The following ITGA11 variants were observed in gnomAD, a reference collection of about 807,000 sequenced individuals.
ITGA11 encodes integrin subunit alpha 11.
Under a neutral mutation model 141.9 loss-of-function variants are expected in ITGA11, and 97 were observed. That is an observed-to-expected ratio of 0.68 (90% CI 0.58 to 0.81). The LOEUF is 0.81. ITGA11 is among the 30% of genes least tolerant of loss of function. The pLI, the probability that ITGA11 is intolerant of heterozygous loss-of-function variation, is 0.00. For missense variants in ITGA11, 1,387 were observed against 1,559.2 expected, an observed-to-expected ratio of 0.89 and a Z score of 1.86; for synonymous variants, 658 against 624.6, an observed-to-expected ratio of 1.05 and a Z score of -0.80.
intron 20 of ITGA11, among the ~76,000 whole-genome samples, chr15:68,318,255 T>C (rs555731530): frequency 3.9e-4 from 59 of 152,274 alleles, no homozygotes; most frequent in African/African-American, 1.3e-3. Context: ...CTCCCACTTC[T>C]CTTTACCTCC....
intron 1 of ITGA11, among the ~76,000 whole-genome samples, chr15:68,420,116 T>C (rs577186608): frequency 6.6e-6 from 1 of 152,306 alleles, no homozygotes; most frequent in East Asian, 1.9e-4. Flanking sequence ...CACCATCTTT[T>C]CTGGGCACTC....
At chr15:68,329,767 CCAA>C (rs1469388106) in intron 15 of ITGA11, among the ~76,000 whole-genome samples, 1 of 152,228 alleles carries the variant, frequency 6.6e-6, no homozygotes, top group Non-Finnish European at 1.5e-5. Context: ...ACCACCACCA[CCAA>C]CAAGGACCTA....
intron 24 of ITGA11, among the ~76,000 whole-genome samples, chr15:68,311,670 G>C (rs1893391823): frequency 6.6e-6 from 1 of 152,204 alleles, no homozygotes; most frequent in East Asian, 1.9e-4. Flanking sequence ...CCTGAGGCCG[G>C]AGAGCAGGGG....
intron 11 of ITGA11, 24 bp downstream of exon 11, chr15:68,339,476 C>A (rs1163794387): frequency 6.2e-7 from 1 of 1,603,188 alleles, no homozygotes; most frequent in Admixed American, 1.7e-5. Flanking sequence ...GACCCGCCAG[C>A]CTCCCCTCAC....
intron 12 of ITGA11, among the ~76,000 whole-genome samples, chr15:68,334,058 C>G (rs1288425663): frequency 1.3e-5 from 2 of 152,240 alleles, no homozygotes; most frequent in Non-Finnish European, 2.9e-5. Flanking sequence ...ACTCTGCTCC[C>G]TGCCCCTTTT....
At chr15:68,352,441 C>T (rs1188226862) in intron 7 of ITGA11, among the ~76,000 whole-genome samples, 2 of 152,144 alleles carry the variant, frequency 1.3e-5, no homozygotes, top group African/African-American at 4.8e-5. Context: ...GATCTGCCCG[C>T]CTCTGCCTCC....
intron 5 of ITGA11, among the ~76,000 whole-genome samples, chr15:68,359,622 G>A (rs1405126284): frequency 2.0e-5 from 3 of 151,860 alleles, no homozygotes; most frequent in African/African-American, 7.3e-5. Flanking sequence ...CTCCAGCCTG[G>A]GTGACAGAGT....
rs1008198544 is a variant in ITGA11, at chr15:68,432,125, A to T, written c.-59T>A. 7.9e-7 allele frequency: 1 copy of T among 1,266,802 alleles called. No individual in the cohort carries two copies. The highest frequency in any genetic ancestry group is 1.0e-6 in the Non-Finnish European group (1 of 986,256). The allele number at this position is 1,266,802 out of a possible 1,614,324, so 78.5% of individuals were successfully genotyped here. A position where few individuals can be genotyped will look rare whatever the true frequency, so the allele number is the denominator to read the frequency against. ...GCGGCGGCGGGGGGCGGCAAGCCAGAGCGGCAGCCTCCTCGGCGCGGCGCC... is the reference window on the plus strand; with the variant it reads ...GCGGCGGCGGGGGGCGGCAAGCCAGTGCGGCAGCCTCCTCGGCGCGGCGCC... On this transcript the variant is annotated 5_prime_UTR_variant, in exon 1 of 30. Transcript: ENST00000315757.
intron 2 of ITGA11, among the ~76,000 whole-genome samples, chr15:68,376,834 G>A (rs1386937121): frequency 6.6e-6 from 1 of 152,236 alleles, no homozygotes; most frequent in Non-Finnish European, 1.5e-5. Flanking sequence ...AGGATCACCA[G>A]GGGAGGTACA....
In ITGA11 at chr15:68,325,153, C is replaced by A. The variant is rs746562366; in HGVS notation, c.2300G>T (p.Trp767Leu). The A allele has an allele frequency of 5.6e-6, 9 of 1,613,812 alleles. No individual in the cohort carries two copies. Among genetic ancestry groups the A allele is most frequent in the South Asian group, 1.1e-5 (1 of 91,054 alleles). ...TACCGAGACTCTGAGAGTGGTGGGC[C>A]AGCCGTCGTCCAGCATGGGGCCATG... is the stretch of plus-strand genomic sequence containing the variant. ...PDHGPMLDDG[W>L]PTTLRVSVPF... Residue 767 changes from tryptophan to leucine, a missense_variant, in exon 18 of 30, where the codon TGG (tryptophan) becomes TTG (leucine). Trp to Leu is a moderately conservative substitution (Grantham distance 61). Coordinates refer to ENST00000315757, the MANE Select transcript of ITGA11 (RefSeq NM_001004439.2). The surrounding 1 kb of genome is among the most constrained non-coding windows in gnomAD (Gnocchi z 5.5).
In ITGA11 at chr15:68,303,006, A is replaced by C; in HGVS notation, c.*53T>G. The C allele has an allele frequency of 3.0e-5, 43 of 1,441,316 alleles. No individual in the cohort carries two copies. The highest frequency in any genetic ancestry group is 3.8e-5 in the Non-Finnish European group (40 of 1,058,434). 89.3% of individuals were successfully genotyped at this position (1,441,316 alleles called of 1,614,324 possible). A position where few individuals can be genotyped will look rare whatever the true frequency, so the allele number is the denominator to read the frequency against. The stretch of plus-strand genomic sequence containing the variant: ...TGGGGCCACAGGCCTGGGTCTCAAC[A>C]CTACCTGGACTGGTGTCCTGGCCCC... On this transcript the variant is annotated 3_prime_UTR_variant, in exon 30 of 30. Transcript: ENST00000315757. This position sits in a 1 kb window ranked among gnomAD's most constrained non-coding sequence, Gnocchi z 5.3.
intron 2 of ITGA11, among the ~76,000 whole-genome samples, chr15:68,379,002 C>T (rs1895794774): frequency 6.6e-6 from 1 of 152,194 alleles, no homozygotes; most frequent in Non-Finnish European, 1.5e-5. Context: ...CTCAACCCAT[C>T]TGGAGGGAAA....
At chr15:68,312,910 C>A in intron 23 of ITGA11, 47 bp from the exon 24 acceptor site, 1 of 1,367,572 alleles carries the variant, frequency 7.3e-7, no homozygotes, top group African/African-American at 1.4e-5. Flanking sequence ...TCAGGGCTGG[C>A]TGGATGGACA....
At chr15:68,426,206 G>A (rs771912651) in intron 1 of ITGA11, among the ~76,000 whole-genome samples, 16 of 152,218 alleles carry the variant, frequency 1.1e-4, no homozygotes, top group Non-Finnish European at 2.2e-4. Context: ...ACAGCCAGTT[G>A]AAATGGAAAT....
chr15:68,342,350 G>A (rs1398310583), intron 10 of ITGA11, among the ~76,000 whole-genome samples: 1 of 152,206 alleles, frequency 6.6e-6, no homozygotes, highest in South Asian at 2.1e-4. Flanking sequence ...GGGTGTGCCT[G>A]GGTGGCCTTG....
At position 68,369,262 on chromosome 15, in the gene ITGA11, C is replaced by T. The variant is rs1163529111; in HGVS notation, c.187G>A (p.Glu63Lys). ...CCCGTCTTCTGGTAGCCATTGGTTTCCAGTGGGGCGCCCACGACCAGCCTG... is the reference window on the plus strand; with the variant it reads ...CCCGTCTTCTGGTAGCCATTGGTTTTCAGTGGGGCGCCCACGACCAGCCTG... ...NKWLVVGAPL[E>K]TNGYQKTGDV... The change falls in exon 3 of 30, where the codon GAA becomes AAA. Residue 63 changes from glutamate to lysine, a missense_variant. By Grantham distance (56) the Glu-to-Lys change is moderately conservative. Coordinates refer to ENST00000315757, the MANE Select transcript of ITGA11 (RefSeq NM_001004439.2). The T allele has an allele frequency of 6.2e-7, 1 of 1,613,906 alleles. No homozygotes were observed. Among genetic ancestry groups the T allele is most frequent in the South Asian group, 1.1e-5 (1 of 91,078 alleles).
intron 1 of ITGA11, among the ~76,000 whole-genome samples, chr15:68,414,427 C>G (rs1323030902): frequency 1.3e-5 from 2 of 152,192 alleles, no homozygotes; most frequent in African/African-American, 4.8e-5. Flanking sequence ...ATAACAGCCC[C>G]TCCTGAGTGC....
chr15:68,363,311 C>G (rs1294062698), intron 4 of ITGA11, among the ~76,000 whole-genome samples: 2 of 152,116 alleles, frequency 1.3e-5, no homozygotes, highest in Admixed American at 6.5e-5. Context: ...ACCTTCATAC[C>G]ACCTTGTGAA....
At chr15:68,350,149 C>T (rs780616503) in intron 9 of ITGA11, among the ~76,000 whole-genome samples, 3 of 152,150 alleles carry the variant, frequency 2.0e-5, no homozygotes, top group Non-Finnish European at 4.4e-5. Context: ...CACAGCCTCA[C>T]GTCCGGCACG....
Sources: gnomAD v4.1 joint callset for allele counts (sites outside exome capture counted in the v4.1 genomes callset) on GRCh38, gnomAD v4.1.1 for gene constraint, Gnocchi (gnomAD v3.1) non-coding constraint, MANE v1.5 for transcripts, NCBI Gene and HGNC (gene_info 2026-07-23, HGNC 2026-07-21) for gene names.